The following ETV6 variants were observed in gnomAD, a reference collection of about 807,000 sequenced individuals.
The protein encoded by ETV6 is ETS variant transcription factor 6.
ETV6 carries 16 observed loss-of-function variants against 51.1 expected under a neutral mutation model. The ratio of observed to expected loss-of-function variants is 0.31; its 90% CI spans 0.21 to 0.48. The LOEUF (loss-of-function observed/expected upper bound fraction) is 0.48. Among genes scored for constraint, ETV6 ranks in the 20% least tolerant of loss-of-function variants. The pLI, the probability that ETV6 is intolerant of heterozygous loss-of-function variation, is 0.99. For missense variants in ETV6, 458 were observed against 594.8 expected, an observed-to-expected ratio of 0.77 and a Z score of 2.39; for synonymous variants, 240 against 224.1, an observed-to-expected ratio of 1.07 and a Z score of -0.64.
chr12:11,762,971 CTCTT>C (rs1474235050), intron 2 of ETV6, among the ~76,000 whole-genome samples: 3 of 152,266 alleles, frequency 2.0e-5, no homozygotes, highest in South Asian at 2.1e-4. Flanking sequence ...CATAAAATGA[CTCTT>C]TCTCCTTCCT....
intron 1 of ETV6, among the ~76,000 whole-genome samples, chr12:11,746,428 T>A (rs947763195): frequency 1.3e-5 from 2 of 152,176 alleles, no homozygotes; most frequent in South Asian, 2.1e-4. Context: ...TGAAATAAAA[T>A]AAAGGCTTCA....
At chr12:11,658,312 T>C (rs922711542) in intron 1 of ETV6, among the ~76,000 whole-genome samples, 9 of 152,228 alleles carry the variant, frequency 5.9e-5, no homozygotes, top group African/African-American at 2.2e-4. Context: ...CTCAGCTCAC[T>C]GCAACCTCTG....
At chr12:11,687,030 C>T (rs754548799) in intron 1 of ETV6, among the ~76,000 whole-genome samples, 3 of 152,052 alleles carry the variant, frequency 2.0e-5, no homozygotes, top group Admixed American at 1.3e-4. Flanking sequence ...GGACTACAGG[C>T]GCACACCACT....
At chr12:11,658,537 C>T (rs187130872) in intron 1 of ETV6, among the ~76,000 whole-genome samples, 50 of 152,256 alleles carry the variant, frequency 3.3e-4, no homozygotes, top group African/African-American at 1.1e-3. Flanking sequence ...CCCCGGCCCC[C>T]GGCCAGGGAT....
intron 1 of ETV6, among the ~76,000 whole-genome samples, chr12:11,685,240 C>T (rs543580221): frequency 8.1e-4 from 123 of 151,082 alleles, no homozygotes; most frequent in African/African-American, 2.8e-3. Context: ...TAGGACCATC[C>T]GGAGTACACC....
intron 2 of ETV6, among the ~76,000 whole-genome samples, chr12:11,810,684 G>A (rs1945900179): frequency 6.6e-6 from 1 of 152,120 alleles, no homozygotes; most frequent in Non-Finnish European, 1.5e-5. Context: ...TTCCTGATTA[G>A]GATTAACCTG....
chr12:11,892,888 G>C lies in ETV6; in HGVS notation c.*1842G>C. On this transcript the variant is annotated 3_prime_UTR_variant, in exon 8 of 8. Transcript: ENST00000396373. ...TCAAGGACACTGGAATTGAGGAGCT[G>C]ATCAAGGCTCTCTTCAGCCTTGCTC... 4.3e-6 allele frequency: 1 copy of C among 233,118 alleles called. No homozygotes were observed. Among genetic ancestry groups the C allele is most frequent in the Non-Finnish European group, 8.5e-6 (1 of 117,970 alleles). The allele number at this position is 233,118 out of a possible 1,614,324, so 14.4% of individuals were successfully genotyped here. A position where few individuals can be genotyped will look rare whatever the true frequency, so the allele number is the denominator to read the frequency against.
intron 2 of ETV6, among the ~76,000 whole-genome samples, chr12:11,818,222 C>G (rs1479241983): frequency 6.6e-6 from 1 of 151,968 alleles, no homozygotes; most frequent in Non-Finnish European, 1.5e-5. Context: ...GGTTTTTATT[C>G]AAAAGAGCAG....
At chr12:11,678,775 G>C (rs755915794) in intron 1 of ETV6, among the ~76,000 whole-genome samples, 1 of 152,214 alleles carries the variant, frequency 6.6e-6, no homozygotes, top group Non-Finnish European at 1.5e-5. Context: ...CTGAGAACCA[G>C]GGGAATTGAT....
chr12:11,725,656 T>C (rs1281894783), intron 1 of ETV6, among the ~76,000 whole-genome samples: 4 of 152,108 alleles, frequency 2.6e-5, no homozygotes, highest in Admixed American at 2.6e-4. Flanking sequence ...TAATGCAAGG[T>C]GTGTGGGTCA....
chr12:11,869,564 C>G lies in ETV6; in HGVS notation c.604C>G (p.Arg202Gly), dbSNP rs567885519. 1.9e-6 allele frequency: 3 copies of G among 1,614,210 alleles called. No individual in the cohort carries two copies. The highest frequency in any genetic ancestry group is 4.5e-5 in the East Asian group (2 of 44,874). Reference sequence around the variant, plus strand: ...TCCTGACCCCGAGCAGCGGCCCCTCCGGTCCCCCCTGGACAACATGATCCG... The same window carrying G: ...TCCTGACCCCGAGCAGCGGCCCCTCGGGTCCCCCCTGGACAACATGATCCG... ...PSPDPEQRPL[R>G]SPLDNMIRRL... The change falls in exon 5 of 8, where the codon CGG becomes GGG. Residue 202 changes from arginine to glycine, a missense_variant. Transcript: ENST00000396373. The surrounding 1 kb of genome is among the most constrained non-coding windows in gnomAD (Gnocchi z 5.0).
At chr12:11,740,466 G>A (rs1865788439) in intron 1 of ETV6, among the ~76,000 whole-genome samples, 1 of 152,190 alleles carries the variant, frequency 6.6e-6, no homozygotes, top group African/African-American at 2.4e-5. Context: ...TGGTTTGCAA[G>A]TTGCTTTCTA....
intron 2 of ETV6, among the ~76,000 whole-genome samples, chr12:11,797,021 AAAGTAG>A (rs1236361552): frequency 6.6e-6 from 1 of 152,190 alleles, no homozygotes; most frequent in Non-Finnish European, 1.5e-5. Context: ...GTAATTTCTT[AAAGTAG>A]AGCTTTATCT....
chr12:11,652,012 C>T (rs1863916228), intron 1 of ETV6, among the ~76,000 whole-genome samples: 1 of 152,174 alleles, frequency 6.6e-6, no homozygotes, highest in African/African-American at 2.4e-5. Flanking sequence ...TACTCACATA[C>T]AGAACCAATC....
chr12:11,743,261 A>G (rs1029725129), intron 1 of ETV6, among the ~76,000 whole-genome samples: 8 of 152,246 alleles, frequency 5.3e-5, no homozygotes, highest in African/African-American at 1.9e-4. Flanking sequence ...TTATTTTGGT[A>G]GTAAACATTT....
At chr12:11,659,378 C>T (rs1187143102) in intron 1 of ETV6, among the ~76,000 whole-genome samples, 1 of 152,140 alleles carries the variant, frequency 6.6e-6, no homozygotes, top group Non-Finnish European at 1.5e-5. Context: ...ACCCACCTGT[C>T]CCTCCTACCA....
chr12:11,779,519 T>A (rs1945381727), intron 2 of ETV6, among the ~76,000 whole-genome samples: 1 of 152,206 alleles, frequency 6.6e-6, no homozygotes, highest in African/African-American at 2.4e-5. Flanking sequence ...GAGGCCCACT[T>A]TTCTACCTAG....
At chr12:11,760,161 G>C (rs549829054) in intron 2 of ETV6, among the ~76,000 whole-genome samples, 4 of 152,220 alleles carry the variant, frequency 2.6e-5, no homozygotes, top group African/African-American at 9.6e-5. Context: ...GCCACATGCT[G>C]ACTGTAAATT....
intron 3 of ETV6, among the ~76,000 whole-genome samples, chr12:11,842,451 T>TTGTTTGC (rs139005042): frequency 0.061 from 8,663 of 142,074 alleles, 338 homozygotes; most frequent in Non-Finnish European, 0.084. Context: ...GTGTTATACA[T>TTGTTTGC]TGTTTGCTGA....
Sources: gnomAD v4.1 joint callset for allele counts (sites outside exome capture counted in the v4.1 genomes callset) on GRCh38, gnomAD v4.1.1 for gene constraint, Gnocchi (gnomAD v3.1) non-coding constraint, MANE v1.5 for transcripts, NCBI Gene and HGNC (gene_info 2026-07-23, HGNC 2026-07-21) for gene names.